OSBPL3: variants seen among roughly 807,000 people sequenced by gnomAD.
The protein encoded by OSBPL3 is oxysterol-binding protein-related protein 3.
A neutral mutation model predicts 120.1 loss-of-function variants in OSBPL3; 65 were observed. That is an observed-to-expected ratio of 0.54 (90% CI 0.44 to 0.67). OSBPL3 has a LOEUF of 0.67. Ranked by LOEUF, OSBPL3 falls within the 30% of genes least tolerant of loss-of-function variation. The probability of loss-of-function intolerance (pLI) is 0.00; values close to 1 mark genes in which losing one functional copy is unlikely to be tolerated. For synonymous variants in OSBPL3, 416 were observed against 402.6 expected (o/e 1.03, Z -0.40); for missense variants, 1,004 against 1,082.1 (o/e 0.93, Z 1.01).
intron 1 of OSBPL3, among the ~76,000 whole-genome samples, chr7:24,934,073 T>C (rs1184112451): frequency 2.0e-5 from 3 of 152,198 alleles, no homozygotes; most frequent in Non-Finnish European, 2.9e-5. Flanking sequence ...TTGTAACTGA[T>C]GGAAAATAAG....
intron 2 of OSBPL3, among the ~76,000 whole-genome samples, chr7:24,876,824 C>T (rs186041245): frequency 2.0e-4 from 31 of 152,072 alleles, no homozygotes; most frequent in African/African-American, 7.0e-4. Context: ...AAAGCAGGAA[C>T]CTTTTCTGTC....
rs867192460 is a variant in OSBPL3, at chr7:24,872,075, C to G, written c.97-6G>C. 1.2e-5 allele frequency: 19 copies of G among 1,567,724 alleles called. No homozygotes were observed. In the Middle Eastern group the frequency reaches 5.0e-4, roughly 42 times the overall value. On this transcript the variant is annotated splice_region_variant and splice_polypyrimidine_tract_variant and intron_variant, in intron 2 of 22. Coordinates refer to ENST00000313367, the MANE Select transcript of OSBPL3 (RefSeq NM_015550.4). The surrounding 1 kb of genome is among the most constrained non-coding windows in gnomAD (Gnocchi z 4.1). ...TCCACCACTTCCCAGCTGTCCTGTT[C>G]CAACAAAAGAGTTCATGTTAAATGT...
intron 5 of OSBPL3, among the ~76,000 whole-genome samples, chr7:24,869,417 C>A (rs185079644): frequency 4.6e-4 from 70 of 152,302 alleles, no homozygotes; most frequent in African/African-American, 1.6e-3. Context: ...CGATAGTATT[C>A]TTTCTTAAAT....
At chr7:24,949,579 C>T (rs185227591) in intron 1 of OSBPL3, among the ~76,000 whole-genome samples, 2 of 152,298 alleles carry the variant, frequency 1.3e-5, no homozygotes, top group Admixed American at 1.3e-4. Context: ...CAGCCATTGC[C>T]ATGGCGGGGA....
intron 1 of OSBPL3, among the ~76,000 whole-genome samples, chr7:24,917,434 CATATATATATATACACACACAT>C (rs1809807214): frequency 1.2e-5 from 1 of 82,220 alleles, no homozygotes; most frequent in South Asian, 4.5e-4. Context: ...ATATTTGTAA[CATATATATATATACACACACAT>C]ATATATATAT....
intron 5 of OSBPL3, among the ~76,000 whole-genome samples, chr7:24,868,338 AGTGTGT>A (rs55688298): frequency 0.15 from 21,121 of 137,754 alleles, 1,763 homozygotes; most frequent in East Asian, 0.38. Flanking sequence ...AAAAAAAAAA[AGTGTGT>A]GTGTGTGTGT....
chr7:24,902,509 C>T (rs1807186595), intron 1 of OSBPL3, among the ~76,000 whole-genome samples: 1 of 152,010 alleles, frequency 6.6e-6, no homozygotes, highest in South Asian at 2.1e-4. Flanking sequence ...ATGCAATGAA[C>T]AAACTTGTAT....
At chr7:24,917,954 T>C (rs1431328727) in intron 1 of OSBPL3, 1 of 289,820 alleles carries the variant, frequency 3.5e-6, no homozygotes, top group Non-Finnish European at 5.1e-6. Context: ...AGGCAACACT[T>C]ACCCATTTAC....
In OSBPL3 at chr7:24,853,197, T is replaced by G. The variant is rs147191156; in HGVS notation, c.1028-563A>C. Among the ~76,000 whole-genome samples, 18 of 152,298 alleles carry G rather than the reference T, an allele frequency of 1.2e-4. No individual in the cohort carries two copies. The East Asian group carries it at 3.5e-3, about 29-fold the overall frequency. On this transcript the variant is annotated intron_variant, in intron 10 of 22. Coordinates refer to ENST00000313367, the MANE Select transcript of OSBPL3 (RefSeq NM_015550.4). ...AAGGGTTAAAAACAAAGCTTATTGG[T>G]TTTCCAGGGGAAAATGTTAACACTA...
chr7:24,893,676 G>A (rs557184221), intron 1 of OSBPL3, among the ~76,000 whole-genome samples: 6 of 147,098 alleles, frequency 4.1e-5, no homozygotes, highest in African/African-American at 1.5e-4. Flanking sequence ...GCCAGGCACG[G>A]TAGTGGGTGC....
chr7:24,923,993 A>T (rs771988929), intron 1 of OSBPL3, among the ~76,000 whole-genome samples: 72 of 152,252 alleles, frequency 4.7e-4, no homozygotes, highest in Non-Finnish European at 2.2e-4. Context: ...TTGTGGATAA[A>T]TAAGTTAAAA....
At chr7:24,910,560 T>C (rs1436298027) in intron 1 of OSBPL3, among the ~76,000 whole-genome samples, 2 of 152,236 alleles carry the variant, frequency 1.3e-5, no homozygotes, top group Non-Finnish European at 2.9e-5. Context: ...GTAACTACTA[T>C]GTGTCCACTG....
At position 24,861,180 on chromosome 7, in the gene OSBPL3, T is replaced by C. The variant is rs897121682; in HGVS notation, c.1027+433A>G. On this transcript the variant is annotated intron_variant, in intron 10 of 22. Transcript: ENST00000313367. ...TCTGCATTTTCCTAATGGCTAATGA[T>C]GTTGAATACCTATTTCTAATTTTTG... Among the ~76,000 whole-genome samples, 7 of 152,236 alleles carry C rather than the reference T, an allele frequency of 4.6e-5. No homozygotes were observed. In the South Asian group the frequency reaches 8.3e-4, roughly 18 times the overall value.
intron 2 of OSBPL3, among the ~76,000 whole-genome samples, chr7:24,889,335 A>G (rs780687143): frequency 1.2e-4 from 19 of 152,254 alleles, no homozygotes; most frequent in Non-Finnish European, 1.6e-4. Context: ...AATGGTAGTT[A>G]GCAGGGTCTG....
Position 24,966,166 on chromosome 7 carries a change from T to C in OSBPL3, c.-150+13720A>G, listed in dbSNP as rs1345018187. Among the ~76,000 whole-genome samples, 2 of 152,172 alleles carry C rather than the reference T, an allele frequency of 1.3e-5. No individual in the cohort carries two copies. The highest frequency in any genetic ancestry group is 4.8e-5 in the African/African-American group (2 of 41,432). ...CCCACAGATCTCGCTTCCTACAACATGGGTATTTTCCCCAGACTGGGAAGT... is the reference window on the plus strand; with the variant it reads ...CCCACAGATCTCGCTTCCTACAACACGGGTATTTTCCCCAGACTGGGAAGT... On this transcript the variant is annotated intron_variant, in intron 1 of 22. Coordinates refer to ENST00000313367, the MANE Select transcript of OSBPL3 (RefSeq NM_015550.4). This position sits in a 1 kb window ranked among gnomAD's most constrained non-coding sequence, Gnocchi z 4.8.
rs895535322 is a variant in OSBPL3 at position 24,835,721 on chromosome 7, T to C, written c.1496-985A>G. ...AATGTGGTACATATACACCATGGAA[T>C]ACTGTGCAGCCATAAAAAAGAATGG... On this transcript the variant is annotated intron_variant, in intron 14 of 22. Coordinates refer to ENST00000313367, the MANE Select transcript of OSBPL3 (RefSeq NM_015550.4). The surrounding 1 kb of genome is among the most constrained non-coding windows in gnomAD (Gnocchi z 4.8). 6.6e-6 allele frequency among the ~76,000 whole-genome samples: 1 copy of C among 152,186 alleles called. No homozygotes were observed. Among genetic ancestry groups the C allele is most frequent in the African/African-American group, 2.4e-5 (1 of 41,428 alleles).
rs1799610906 is a variant in OSBPL3 at position 24,854,621 on chromosome 7, C to A, written c.1028-1987G>T. ...ATTTTCTAACGACGCCTATGAAACA[C>A]ACTTAGCTCCTTGCTTTAAACAATT... is the stretch of plus-strand genomic sequence containing the variant. On this transcript the variant is annotated intron_variant, in intron 10 of 22. Coordinates refer to ENST00000313367, the MANE Select transcript of OSBPL3 (RefSeq NM_015550.4). The surrounding 1 kb of genome is among the most constrained non-coding windows in gnomAD (Gnocchi z 4.1). 6.6e-6 allele frequency among the ~76,000 whole-genome samples: 1 copy of A among 152,110 alleles called. No individual in the cohort carries two copies. The highest frequency in any genetic ancestry group is 2.4e-5 in the African/African-American group (1 of 41,398).
intron 2 of OSBPL3, among the ~76,000 whole-genome samples, chr7:24,884,919 C>T (rs1804267585): frequency 1.3e-5 from 2 of 152,064 alleles, no homozygotes; most frequent in South Asian, 4.2e-4. Flanking sequence ...GTTTATTCAG[C>T]CTATACTGAA....
At position 24,979,387 on chromosome 7, in the gene OSBPL3, G is replaced by A. The variant is rs550741880; in HGVS notation, c.-150+499C>T. 2.8e-4 allele frequency among the ~76,000 whole-genome samples: 43 copies of A among 152,274 alleles called. 1 individual carries two copies. Among genetic ancestry groups the A allele is most frequent in the African/African-American group, 1.0e-3 (43 of 41,564 alleles). ...TGGGCCTCCAGCCCAGCACCGGGGA[G>A]CTGAGCAAGCCGGGGTTGGGAAGGC... On this transcript the variant is annotated intron_variant, in intron 1 of 22. Transcript: ENST00000313367.
Sources: allele counts gnomAD v4.1 joint callset (sites outside exome capture counted in the v4.1 genomes callset), GRCh38; gene constraint gnomAD v4.1.1; non-coding constraint Gnocchi (gnomAD v3.1); transcripts MANE v1.5; gene names NCBI Gene and HGNC (gene_info 2026-07-23, HGNC 2026-07-21).